PCDHGA4: variants seen among roughly 807,000 people sequenced by gnomAD.
PCDHGA4 encodes the protein protocadherin gamma-A4.
PCDHGA4 carries 38 observed loss-of-function variants against 54.6 expected under a neutral mutation model. That is an observed-to-expected ratio of 0.70 (90% confidence interval 0.54 to 0.91). PCDHGA4 has a LOEUF of 0.91. Among genes scored for constraint, PCDHGA4 ranks in the 40% least tolerant of loss-of-function variants. The pLI is 0.00. For missense variants in PCDHGA4, 1,298 were observed against 1,220.9 expected, an observed-to-expected ratio of 1.06 and a Z score of -0.94; for synonymous variants, 511 against 512.9, an observed-to-expected ratio of 1.00 and a Z score of 0.05.
intron 2 of PCDHGA4, among the ~76,000 whole-genome samples, chr5:141,501,847 C>T (rs976699397): frequency 1.3e-5 from 2 of 152,140 alleles, no homozygotes; most frequent in Admixed American, 6.5e-5. Context: ...GGCCCTCAAC[C>T]TTCAACCATT....
chr5:141,424,082 C>T (rs2096798510), intron 1 of PCDHGA4: 2 of 957,226 alleles, frequency 2.1e-6, no homozygotes, highest in East Asian at 1.1e-4. Flanking sequence ...TTATATTCCA[C>T]CATTATTTGC....
intron 1 of PCDHGA4, chr5:141,372,461 G>C (rs749088592): frequency 2.5e-6 from 4 of 1,613,922 alleles, no homozygotes; most frequent in Non-Finnish European, 2.5e-6. Context: ...CGGAGCTACA[G>C]TTTCACCTAG....
At chr5:141,357,707 C>A in intron 1 of PCDHGA4, 86 bp downstream of exon 1, 1 of 1,473,478 alleles carries the variant, frequency 6.8e-7, no homozygotes, top group East Asian at 2.4e-5. Flanking sequence ...TGTAATATAT[C>A]AAATAAAGTT....
intron 1 of PCDHGA4, chr5:141,423,627 C>T (rs925883716): frequency 6.2e-7 from 1 of 1,604,886 alleles, no homozygotes; most frequent in African/African-American, 1.3e-5. Context: ...ACTCAGCTAT[C>T]ATTTTAGGCA....
chr5:141,361,805 A>G, intron 1 of PCDHGA4: 1 of 1,613,138 alleles, frequency 6.2e-7, no homozygotes, highest in Non-Finnish European at 8.5e-7. Context: ...GACCTCAATG[A>G]CAATGCGCCA....
chr5:141,389,791 TC>T (rs754420674), intron 1 of PCDHGA4: 1 of 1,613,408 alleles, frequency 6.2e-7, no homozygotes, highest in Non-Finnish European at 8.5e-7. Context: ...AGGGACGCCG[TC>T]CGCCAGCGCC....
chr5:141,399,396 G>A (rs2093799031), intron 1 of PCDHGA4: 1 of 1,613,842 alleles, frequency 6.2e-7, no homozygotes, highest in African/African-American at 1.3e-5. Flanking sequence ...CCACAGACAG[G>A]GGCAAGCCGC....
chr5:141,422,239 G>C (rs2096636040), intron 1 of PCDHGA4: 3 of 1,566,586 alleles, frequency 1.9e-6, no homozygotes, highest in East Asian at 4.5e-5. Context: ...GTTGATCACT[G>C]TTGTGGATGT....
rs747509171 is a variant in PCDHGA4, at chr5:141,477,069, A to G, written c.2515-17738A>G. The stretch of plus-strand genomic sequence containing the variant: ...CTGGACTTCGAGGACACCAAACTCC[A>G]TGAGATTTACATCCAGGCCAAAGAC... On this transcript the variant is annotated intron_variant, in intron 1 of 3. Coordinates refer to ENST00000571252, the MANE Select transcript of PCDHGA4 (RefSeq NM_018917.4). The surrounding 1 kb of genome is among the most constrained non-coding windows in gnomAD (Gnocchi z 4.9). 7 of 1,614,246 alleles carry G rather than the reference A, an allele frequency of 4.3e-6. No homozygotes were observed. The highest frequency in any genetic ancestry group is 5.9e-6 in the Non-Finnish European group (7 of 1,180,026).
At position 141,431,052 on chromosome 5, in the gene PCDHGA4, G is replaced by T. The variant is rs148326556; in HGVS notation, c.2515-63755G>T. 7.4e-6 allele frequency: 12 copies of T among 1,614,110 alleles called. No homozygotes were observed. The African/African-American group carries it at 1.6e-4, about 22-fold the overall frequency. On this transcript the variant is annotated intron_variant, in intron 1 of 3. Coordinates refer to ENST00000571252, the MANE Select transcript of PCDHGA4 (RefSeq NM_018917.4). The surrounding 1 kb of genome is among the most constrained non-coding windows in gnomAD (Gnocchi z 4.8). ...ATAGACCGGGAGGAGCTCTGTATGG[G>T]GGCCATCAAGTGTCAATTAAATCTA...
chr5:141,414,180 A>G, intron 1 of PCDHGA4: 2 of 1,608,986 alleles, frequency 1.2e-6, no homozygotes, highest in Middle Eastern at 1.7e-4. Context: ...TTGCAACTGC[A>G]AAAGTGTTGA....
intron 1 of PCDHGA4, chr5:141,383,331 G>T: frequency 1.2e-6 from 2 of 1,613,992 alleles, no homozygotes; most frequent in Non-Finnish European, 1.7e-6. Context: ...AAATAATGGA[G>T]AATACAGCTC....
intron 1 of PCDHGA4, among the ~76,000 whole-genome samples, chr5:141,459,532 TA>T (rs1031834752): frequency 6.6e-5 from 10 of 152,354 alleles, no homozygotes; most frequent in East Asian, 3.9e-4. Context: ...TTTGTAGGCA[TA>T]TTTTTTTTAT....
intron 1 of PCDHGA4, among the ~76,000 whole-genome samples, chr5:141,467,305 G>A (rs535466592): frequency 1.3e-5 from 2 of 152,078 alleles, no homozygotes; most frequent in African/African-American, 4.8e-5. Flanking sequence ...CACTCACCTC[G>A]GCCTCCCACA....
Position 141,486,650 on chromosome 5 carries a change from T to C in PCDHGA4, c.2515-8157T>C, listed in dbSNP as rs1321605826. On this transcript the variant is annotated intron_variant, in intron 1 of 3. Coordinates refer to ENST00000571252, the MANE Select transcript of PCDHGA4 (RefSeq NM_018917.4). The surrounding 1 kb of genome is among the most constrained non-coding windows in gnomAD (Gnocchi z 5.0). ...TGGCTTGAATGCGCTTATCTCCTAC[T>C]CACTCCTGGAGCCCAGGAATCGAGA... is the stretch of plus-strand genomic sequence containing the variant. The C allele has an allele frequency of 6.2e-7, 1 of 1,613,834 alleles. No individual in the cohort carries two copies. Among genetic ancestry groups the C allele is most frequent in the African/African-American group, 1.3e-5 (1 of 74,938 alleles).
chr5:141,435,855 G>A (rs1164301394), intron 1 of PCDHGA4, among the ~76,000 whole-genome samples: 1 of 152,006 alleles, frequency 6.6e-6, no homozygotes, highest in Non-Finnish European at 1.5e-5. Flanking sequence ...AGATACAATA[G>A]TTAAAACCCA....
At chr5:141,422,546 GGC>G in intron 1 of PCDHGA4, 8 of 1,613,972 alleles carry the variant, frequency 5.0e-6, no homozygotes, top group Non-Finnish European at 6.8e-6. Flanking sequence ...ACTCATGTCT[GGC>G]TGAATGTGGC....
chr5:141,420,405 T>C (rs1188012975), intron 1 of PCDHGA4: 7 of 1,241,232 alleles, frequency 5.6e-6, no homozygotes, highest in East Asian at 5.7e-5. Flanking sequence ...AAATTTATGG[T>C]TATCATTATT....
chr5:141,370,911 A>C lies in PCDHGA4; in HGVS notation c.2514+13290A>C, dbSNP rs1463962287. On this transcript the variant is annotated intron_variant, in intron 1 of 3. Transcript: ENST00000571252. ...CAATTCGCTGCAGCAGTACTACCTCAGCCCTGATCCGCACTTCTCTTTGAT... is the reference window on the plus strand; with the variant it reads ...CAATTCGCTGCAGCAGTACTACCTCCGCCCTGATCCGCACTTCTCTTTGAT... 3.7e-6 allele frequency: 6 copies of C among 1,613,916 alleles called. No homozygotes were observed. In the Admixed American group the frequency reaches 1.0e-4, roughly 27 times the overall value.
Sources: gnomAD v4.1 joint callset for allele counts (sites outside exome capture counted in the v4.1 genomes callset) on GRCh38, gnomAD v4.1.1 for gene constraint, Gnocchi (gnomAD v3.1) non-coding constraint, MANE v1.5 for transcripts, NCBI Gene and HGNC (gene_info 2026-07-23, HGNC 2026-07-21) for gene names.